Variants in SHROOM4 observed in about 807,000 individuals in gnomAD.
SHROOM4 encodes the protein protein Shroom4.
Under a neutral mutation model 80.3 loss-of-function variants are expected in SHROOM4, and 17 were observed. The ratio of observed to expected loss-of-function variants is 0.21; its 90% confidence interval spans 0.14 to 0.32. SHROOM4 has a LOEUF of 0.32. Ranked by LOEUF, SHROOM4 falls within the 10% of genes least tolerant of loss-of-function variation. The probability of loss-of-function intolerance (pLI) is 1.00; values close to 1 mark genes in which losing one functional copy is unlikely to be tolerated. For synonymous variants in SHROOM4, 400 were observed against 437.5 expected (o/e 0.91, Z 1.07); for missense variants, 993 against 1,140.3 (o/e 0.87, Z 1.86).
At chrX:50,684,890 T>C (rs1365610470) in intron 2 of SHROOM4, among the ~76,000 whole-genome samples, 2 of 112,049 alleles carry the variant, frequency 1.8e-5, no homozygotes, top group African/African-American at 6.5e-5. Flanking sequence ...CGTAGATTCA[T>C]CTATACAGGG....
At chrX:50,725,008 C>G (rs782719974) in intron 1 of SHROOM4, among the ~76,000 whole-genome samples, 13 of 112,015 alleles carry the variant, frequency 1.2e-4, no homozygotes, top group Admixed American at 3.8e-4. Context: ...AATGTTTATT[C>G]AAGTAAACTT....
chrX:50,806,046 G>A (rs782624314), intron 1 of SHROOM4, among the ~76,000 whole-genome samples: 9 of 110,172 alleles, frequency 8.2e-5, no homozygotes, highest in Non-Finnish European at 1.7e-4. Context: ...AAAAAAGTTG[G>A]GTTTTGGACA....
intron 2 of SHROOM4, among the ~76,000 whole-genome samples, chrX:50,650,448 T>G (rs1931997238): frequency 9.0e-6 from 1 of 111,587 alleles, no homozygotes; most frequent in African/African-American, 3.3e-5. Flanking sequence ...CCTCCCAGGT[T>G]CAAGAGATGG....
At chrX:50,735,174 G>A (rs190489074) in intron 1 of SHROOM4, among the ~76,000 whole-genome samples, 24 of 111,954 alleles carry the variant, frequency 2.1e-4, no homozygotes, top group African/African-American at 6.8e-4. Flanking sequence ...GAAATAGACC[G>A]ATAAACCTAT....
rs895540661 is a variant in SHROOM4, at chrX:50,742,647, G to T, written c.118-46710C>A. Among the ~76,000 whole-genome samples, 25 of 103,058 alleles carry T rather than the reference G, an allele frequency of 2.4e-4. 1 individual carries two copies. The South Asian group carries it at 0.012, about 50-fold the overall frequency. The allele number at this position is 103,058 out of a possible 115,157, so 89.5% of individuals were successfully genotyped here. On this transcript the variant is annotated intron_variant, in intron 1 of 8. Transcript: ENST00000376020. ...AGTGGGGTTATGAATTTTTCGGGGGGGGGGGCAATCACAGAAGTGAAATAC... is the reference window on the plus strand; with the variant it reads ...AGTGGGGTTATGAATTTTTCGGGGGTGGGGGCAATCACAGAAGTGAAATAC...
At chrX:50,612,195 A>G (rs988956582) in intron 5 of SHROOM4, among the ~76,000 whole-genome samples, 102 of 110,714 alleles carry the variant, frequency 9.2e-4, no homozygotes, top group African/African-American at 3.2e-3. Context: ...TTAAAAAAAA[A>G]ACACCCAAAT....
intron 1 of SHROOM4, among the ~76,000 whole-genome samples, chrX:50,764,869 A>G (rs1426421995): frequency 4.5e-5 from 5 of 111,977 alleles, no homozygotes; most frequent in Non-Finnish European, 9.4e-5. Context: ...TTATAAGAAA[A>G]AAAGGTTTAA....
At chrX:50,766,356 A>AC (rs1263885694) in intron 1 of SHROOM4, among the ~76,000 whole-genome samples, 1 of 111,541 alleles carries the variant, frequency 9.0e-6, no homozygotes, top group Non-Finnish European at 1.9e-5. Flanking sequence ...AGAAAGACAC[A>AC]CACACACACA....
Position 50,624,474 on chromosome X carries a change from C to T in SHROOM4, c.2957+3140G>A, listed in dbSNP as rs933477688. On this transcript the variant is annotated intron_variant, in intron 5 of 8. Coordinates refer to ENST00000376020, the MANE Select transcript of SHROOM4 (RefSeq NM_020717.5). ...CTTGAAAGACTCAACTTGTATCTTC[C>T]ACTAACTTCAAATACAACATATCCC... Among the ~76,000 whole-genome samples, 7 of 111,362 alleles carry T rather than the reference C, an allele frequency of 6.3e-5. No individual in the cohort carries two copies. The South Asian group carries it at 1.9e-3, about 31-fold the overall frequency.
the SHROOM4 span, among the ~76,000 whole-genome samples, chrX:50,581,065 C>T: frequency 9.0e-6 from 1 of 111,442 alleles, no homozygotes; most frequent in African/African-American, 3.3e-5. Context: ...GACACAGGCT[C>T]CTGCTCTCTT....
intron 7 of SHROOM4, among the ~76,000 whole-genome samples, chrX:50,600,452 C>A (rs1336429471): frequency 1.8e-5 from 2 of 111,742 alleles, no homozygotes; most frequent in African/African-American, 6.5e-5. Context: ...CTCTGCACGT[C>A]AATTTCCACA....
At position 50,596,925 on chromosome X, in the gene SHROOM4, A is replaced by G. The variant is rs1421342534; in HGVS notation, c.4252T>C (p.Leu1418=). Reference sequence around the variant, plus strand: ...TCCTTCAGCTCCTTGGCATCTGCCAACTGCCCCGTCAGCTGCTGCTTCTTC... The same window carrying G: ...TCCTTCAGCTCCTTGGCATCTGCCAGCTGCCCCGTCAGCTGCTGCTTCTTC... ...IEKKQQLTGQ[L]ADAKELKEHV... The change falls in exon 9 of 9, where the codon TTG becomes CTG. Residue 1418 remains leucine (L), a synonymous_variant. Coordinates refer to ENST00000376020, the MANE Select transcript of SHROOM4 (RefSeq NM_020717.5). 2 of 1,211,204 alleles carry G rather than the reference A, an allele frequency of 1.7e-6. No homozygotes were observed.
chrX:50,664,587 G>A (rs1326795019), intron 2 of SHROOM4, among the ~76,000 whole-genome samples: 1 of 111,275 alleles, frequency 9.0e-6, no homozygotes, highest in African/African-American at 3.3e-5. Flanking sequence ...TTGACAGCAA[G>A]GGAAATGACA....
intron 1 of SHROOM4, among the ~76,000 whole-genome samples, chrX:50,765,802 C>T (rs1429722405): frequency 8.9e-6 from 1 of 111,876 alleles, no homozygotes; most frequent in African/African-American, 3.3e-5. Flanking sequence ...CACTGTTATA[C>T]CCTTAAACTT....
chrX:50,708,018 G>A lies in SHROOM4; in HGVS notation c.118-12081C>T, dbSNP rs1176299384. Among the ~76,000 whole-genome samples the A allele has an allele frequency of 2.7e-5, 3 of 111,826 alleles. No individual in the cohort carries two copies. In the East Asian group the frequency reaches 8.6e-4, roughly 32 times the overall value. On this transcript the variant is annotated intron_variant, in intron 1 of 8. Transcript: ENST00000376020. Reference sequence around the variant, plus strand: ...AAAGAACATATCCCATCAAAGGCAGGTAGCCTGCCTGACAGAAGAATCCCA... The same window carrying A: ...AAAGAACATATCCCATCAAAGGCAGATAGCCTGCCTGACAGAAGAATCCCA...
rs782666830 is a variant in SHROOM4 at position 50,653,288 on chromosome X, G to T, written c.270-14980C>A. On this transcript the variant is annotated intron_variant, in intron 2 of 8. Coordinates refer to ENST00000376020, the MANE Select transcript of SHROOM4 (RefSeq NM_020717.5). ...CTCCTTGAGGTCCTTCGCATCCCTT[G>T]TAAGTTGTATTCCTAGGTATTTTAT... 1.3e-3 allele frequency among the ~76,000 whole-genome samples: 144 copies of T among 111,363 alleles called. 1 individual carries two copies. The highest frequency in any genetic ancestry group is 1.8e-3 in the Non-Finnish European group (95 of 53,080).
intron 2 of SHROOM4, among the ~76,000 whole-genome samples, chrX:50,689,257 A>G (rs1557262498): frequency 9.0e-6 from 1 of 111,722 alleles, no homozygotes; most frequent in Non-Finnish European, 1.9e-5. Context: ...CTGGAGGCTG[A>G]TAAATGACAT....
intron 1 of SHROOM4, among the ~76,000 whole-genome samples, chrX:50,713,701 T>C (rs181272665): frequency 3.6e-4 from 40 of 112,475 alleles, no homozygotes; most frequent in African/African-American, 1.3e-3. Flanking sequence ...ACAGTACTGA[T>C]GGGACTGATT....
intron 5 of SHROOM4, among the ~76,000 whole-genome samples, chrX:50,619,941 T>C (rs868940341): frequency 6.3e-4 from 70 of 111,350 alleles, no homozygotes; most frequent in African/African-American, 2.2e-3. Flanking sequence ...TCTGGTGATG[T>C]CAAAGTTCTT....
Sources: gnomAD v4.1 joint callset for allele counts (sites outside exome capture counted in the v4.1 genomes callset) on GRCh38, gnomAD v4.1.1 for gene constraint, MANE v1.5 for transcripts, NCBI Gene and HGNC (gene_info 2026-07-23, HGNC 2026-07-21) for gene names.